Variants in COL9A3 observed in about 807,000 individuals in gnomAD.
The protein encoded by COL9A3 is collagen alpha-3(IX) chain.
A neutral mutation model predicts 110.2 loss-of-function variants in COL9A3; 82 were observed. That is an observed-to-expected ratio of 0.74 (90% CI 0.62 to 0.89). The LOEUF (loss-of-function observed/expected upper bound fraction) is 0.89. COL9A3 is among the 40% of genes least tolerant of loss of function. The pLI, the probability that COL9A3 is intolerant of heterozygous loss-of-function variation, is 0.00. For missense variants in COL9A3, 1,066 were observed against 981.3 expected, an observed-to-expected ratio of 1.09 and a Z score of -1.15; for synonymous variants, 494 against 403.8, an observed-to-expected ratio of 1.22 and a Z score of -2.68.
In COL9A3 at chr20:62,819,071, G is replaced by C; in HGVS notation, c.184-151G>C. 4.9e-6 allele frequency: 4 copies of C among 810,008 alleles called. No homozygotes were observed. In the South Asian group the frequency reaches 5.8e-5, roughly 12 times the overall value. The allele number at this position is 810,008 out of a possible 1,614,324, so 50.2% of individuals were successfully genotyped here. ...AGGACACACGTGCCCCAGCTGAGCCGGGTCTGCCAGACAGTAGGGGGGACC... is the reference window on the plus strand; with the variant it reads ...AGGACACACGTGCCCCAGCTGAGCCCGGTCTGCCAGACAGTAGGGGGGACC... On this transcript the variant is annotated intron_variant, in intron 3 of 31. Coordinates refer to ENST00000649368, the MANE Select transcript of COL9A3 (RefSeq NM_001853.4).
At chr20:62,821,847 A>G in intron 8 of COL9A3, 37 bp downstream of exon 8, 1 of 1,365,446 alleles carries the variant, frequency 7.3e-7, no homozygotes, top group Non-Finnish European at 1.0e-6. Flanking sequence ...GAGTGTGCTC[A>G]CCTGTGGCCT....
chr20:62,836,849 C>A, intron 29 of COL9A3: 3 of 659,146 alleles, frequency 4.6e-6, no homozygotes, highest in East Asian at 2.7e-5. Context: ...GGTCCCTAAA[C>A]ACCCCCAAGG....
intron 31 of COL9A3, among the ~76,000 whole-genome samples, 163 bp downstream of exon 31, chr20:62,838,924 T>C (rs942158060): frequency 6.6e-6 from 1 of 152,170 alleles, no homozygotes; most frequent in Non-Finnish European, 1.5e-5. Flanking sequence ...ACCACTTTAA[T>C]ACATAAAAGT....
chr20:62,819,557 G>A (rs1342823355), intron 4 of COL9A3, among the ~76,000 whole-genome samples: 1 of 152,184 alleles, frequency 6.6e-6, no homozygotes, highest in Non-Finnish European at 1.5e-5. Context: ...CCATTGTCAG[G>A]ACCTTCTGCC....
chr20:62,821,869 C>T, intron 8 of COL9A3, 59 bp downstream of exon 8: 2 of 965,998 alleles, frequency 2.1e-6, no homozygotes, highest in Non-Finnish European at 3.3e-6. Context: ...CACCCCCAGA[C>T]TCAACAGCCA....
rs1314479283 is a variant in COL9A3, at chr20:62,819,237, C to T, written c.199C>T (p.Pro67Ser). Residue 67 changes from proline (P) to serine (S), a missense_variant, in exon 4 of 32, where the codon CCA becomes TCA. Transcript: ENST00000649368. ...LPGPPGPKGA[P>S]GKPGKPGEAG... is the part of the protein sequence containing the mutation. Reference sequence around the variant, plus strand: ...TCCTGCACAGGGACCAAAGGGGGCCCCAGGAAAGCCGGGGAAACCAGGAGA... The same window carrying T: ...TCCTGCACAGGGACCAAAGGGGGCCTCAGGAAAGCCGGGGAAACCAGGAGA... The T allele has an allele frequency of 6.2e-7, 1 of 1,612,616 alleles. No individual in the cohort carries two copies. The highest frequency in any genetic ancestry group is 8.5e-7 in the Non-Finnish European group (1 of 1,179,960).
chr20:62,825,417 C>T lies in COL9A3; in HGVS notation c.630+396C>T, dbSNP rs2063544690. The T allele has an allele frequency of 6.0e-5, 21 of 351,440 alleles. No individual in the cohort carries two copies. The South Asian group carries it at 7.5e-4, about 13-fold the overall frequency. The allele number at this position is 351,440 out of a possible 1,614,324, so 21.8% of individuals were successfully genotyped here. Reference sequence around the variant, plus strand: ...GGCTTTAGCCTGTAGCCTCCCCTCACCTGTGGTCGCTGTCCGTGGAGGGTG... The same window carrying T: ...GGCTTTAGCCTGTAGCCTCCCCTCATCTGTGGTCGCTGTCCGTGGAGGGTG... On this transcript the variant is annotated intron_variant, in intron 12 of 31. Coordinates refer to ENST00000649368, the MANE Select transcript of COL9A3 (RefSeq NM_001853.4).
chr20:62,824,997 G>A lies in COL9A3; in HGVS notation c.606G>A (p.Gly202=), dbSNP rs1199098143. 3.7e-6 allele frequency: 6 copies of A among 1,610,350 alleles called. No individual in the cohort carries two copies. The highest frequency in any genetic ancestry group is 3.4e-6 in the Non-Finnish European group (4 of 1,179,456). ...KGPTGYKGEQ[G]EVGKDGEKGD... ...CCACTGGCTACAAAGGCGAGCAGGG[G>A]GAAGTCGGCAAGGACGGCGAGAAGG... Residue 202 remains glycine (G), a synonymous_variant, in exon 12 of 32, where the codon GGG becomes GGA. Coordinates refer to ENST00000649368, the MANE Select transcript of COL9A3 (RefSeq NM_001853.4).
At chr20:62,834,745 C>T (rs771876374) in intron 26 of COL9A3, among the ~76,000 whole-genome samples, 3 of 152,020 alleles carry the variant, frequency 2.0e-5, no homozygotes, top group African/African-American at 4.8e-5. Flanking sequence ...TGCGTTCAAG[C>T]GATTCTCCTG....
chr20:62,819,511 C>T (rs1187197060), intron 4 of COL9A3, among the ~76,000 whole-genome samples: 1 of 152,228 alleles, frequency 6.6e-6, no homozygotes, highest in Non-Finnish European at 1.5e-5. Context: ...AGTCGGAAGT[C>T]CCGCCAGCCC....
intron 31 of COL9A3, among the ~76,000 whole-genome samples, chr20:62,839,267 T>C (rs2063656848): frequency 6.6e-6 from 1 of 152,184 alleles, no homozygotes; most frequent in African/African-American, 2.4e-5. Context: ...CAGATCCTCC[T>C]GGATCTATTT....
At chr20:62,836,952 A>C in intron 29 of COL9A3, 131 bp from the exon 30 acceptor site, 2 of 1,217,664 alleles carry the variant, frequency 1.6e-6, no homozygotes, top group South Asian at 2.4e-5. Context: ...AAGCAGTTAA[A>C]CCATTTTCCA....
chr20:62,830,474 C>G, intron 23 of COL9A3, 43 bp from the exon 24 acceptor site: 14 of 1,596,746 alleles, frequency 8.8e-6, no homozygotes, highest in Non-Finnish European at 1.2e-5. Flanking sequence ...GGGCCAGACC[C>G]GACAGGGTAT....
intron 3 of COL9A3, 85 bp from the exon 4 acceptor site, chr20:62,819,137 G>A: frequency 1.5e-6 from 2 of 1,348,746 alleles, no homozygotes; most frequent in Non-Finnish European, 2.1e-6. Context: ...CTGGGGGGAA[G>A]TGGAAAGCAT....
chr20:62,833,039 G>A lies in COL9A3; in HGVS notation c.1343G>A (p.Gly448Asp), dbSNP rs1292275075. Residue 448 changes from glycine to aspartate, a missense_variant, in exon 26 of 32, where the codon GGT (glycine) becomes GAT (aspartate). Gly to Asp is a moderately conservative substitution (Grantham distance 94). Transcript: ENST00000649368. The part of the protein sequence containing the change: ...KGDQGIAGSD[G>D]LPGDKGELGP... ...TTTCAGGGTATTGCAGGTTCCGACGGTCTTCCTGGGGATAAAGGAGAACTG... is the reference window on the plus strand; with the variant it reads ...TTTCAGGGTATTGCAGGTTCCGACGATCTTCCTGGGGATAAAGGAGAACTG... 6.2e-7 allele frequency: 1 copy of A among 1,613,780 alleles called. No homozygotes were observed. The highest frequency in any genetic ancestry group is 1.7e-5 in the Admixed American group (1 of 60,010).
chr20:62,816,449 G>A (rs1990911096), upstream of COL9A3: 1 of 152,400 alleles, frequency 6.6e-6, no homozygotes, highest in Non-Finnish European at 1.5e-5. Context: ...GGTAGCAACT[G>A]ACGTGGCCTG....
At chr20:62,816,875 T>C (rs1238050541), upstream of COL9A3, among the ~76,000 whole-genome samples, 6 of 150,724 alleles carry the variant, frequency 4.0e-5, no homozygotes, top group Admixed American at 6.6e-5. Flanking sequence ...GGCGTCTTTT[T>C]TGTTTTCGCC....
In COL9A3 at chr20:62,829,753, C is replaced by G. The variant is rs769746194; in HGVS notation, c.1108-13C>G. ...CAGACCCTGCCCTGACACCCTCCTT[C>G]CTTTCCCTGTAGGGAGATGCTGGCA... On this transcript the variant is annotated splice_polypyrimidine_tract_variant and intron_variant, in intron 21 of 31. Transcript: ENST00000649368. 9.4e-6 allele frequency: 15 copies of G among 1,591,768 alleles called. No homozygotes were observed. In the Admixed American group the frequency reaches 2.7e-4, roughly 28 times the overall value.
In COL9A3 at chr20:62,824,437, T is replaced by A; in HGVS notation, c.520-8T>A. Reference sequence around the variant, plus strand: ...TGGGAGGGGTCTGACTGCTCTGTTTTCCGACAGTGCCCAAGTATCTGCCCG... The same window carrying A: ...TGGGAGGGGTCTGACTGCTCTGTTTACCGACAGTGCCCAAGTATCTGCCCG... On this transcript the variant is annotated splice_region_variant and splice_polypyrimidine_tract_variant and intron_variant, in intron 10 of 31. Coordinates refer to ENST00000649368, the MANE Select transcript of COL9A3 (RefSeq NM_001853.4). 1.3e-6 allele frequency: 2 copies of A among 1,599,356 alleles called. No individual in the cohort carries two copies. The highest frequency in any genetic ancestry group is 1.7e-6 in the Non-Finnish European group (2 of 1,173,536).
Sources: allele counts gnomAD v4.1 joint callset (sites outside exome capture counted in the v4.1 genomes callset), GRCh38; gene constraint gnomAD v4.1.1; transcripts MANE v1.5; gene names NCBI Gene and HGNC (gene_info 2026-07-23, HGNC 2026-07-21).